The following CHST11 variants were observed in gnomAD, a reference collection of about 807,000 sequenced individuals.
CHST11 encodes the protein C4S-1.
Under a neutral mutation model 30.4 loss-of-function variants are expected in CHST11, and 9 were observed. That is an observed-to-expected ratio of 0.30 (90% confidence interval 0.18 to 0.52). CHST11 has a LOEUF of 0.52. Among genes scored for constraint, CHST11 ranks in the 20% least tolerant of loss-of-function variants. The pLI, the probability that CHST11 is intolerant of heterozygous loss-of-function variation, is 0.97. For missense variants in CHST11, 348 were observed against 460.6 expected (o/e 0.76, Z 2.24); for synonymous variants, 152 against 187.8 (o/e 0.81, Z 1.56).
chr12:104,510,352 TG>T (rs2037951946), intron 1 of CHST11, among the ~76,000 whole-genome samples: 1 of 151,978 alleles, frequency 6.6e-6, no homozygotes. Flanking sequence ...GAACCAGAAA[TG>T]GGGGAAGGGT....
intron 2 of CHST11, among the ~76,000 whole-genome samples, chr12:104,694,594 G>C (rs1008224800): frequency 3.3e-5 from 5 of 152,176 alleles, no homozygotes; most frequent in Non-Finnish European, 5.9e-5. Flanking sequence ...GTTTAACGAA[G>C]CGGGTGACTT....
At chr12:104,557,447 T>G (rs1312184183) in intron 1 of CHST11, among the ~76,000 whole-genome samples, 2 of 150,810 alleles carry the variant, frequency 1.3e-5, no homozygotes, top group Admixed American at 6.6e-5. Flanking sequence ...ATGGTCAGAG[T>G]GCATGGTGAG....
intron 1 of CHST11, among the ~76,000 whole-genome samples, chr12:104,538,380 C>A (rs1423473497): frequency 6.6e-6 from 1 of 152,186 alleles, no homozygotes; most frequent in Non-Finnish European, 1.5e-5. Flanking sequence ...GGTGCATCAC[C>A]CTCTCAACAT....
chr12:104,680,651 ATGCTGTGCACTC>A (rs1279326196), intron 2 of CHST11, among the ~76,000 whole-genome samples: 2 of 152,194 alleles, frequency 1.3e-5, no homozygotes, highest in Non-Finnish European at 2.9e-5. Context: ...TGGGAAGGAA[ATGCTGTGCACTC>A]AGTAAAGTCA....
intron 2 of CHST11, among the ~76,000 whole-genome samples, chr12:104,659,781 C>T (rs1394736063): frequency 1.4e-5 from 2 of 144,914 alleles, no homozygotes; most frequent in East Asian, 2.0e-4. Context: ...GCCTGGGCAA[C>T]ATAGTGAGAC....
chr12:104,750,910 G>C (rs906898464), intron 2 of CHST11, among the ~76,000 whole-genome samples: 1 of 151,980 alleles, frequency 6.6e-6, no homozygotes, highest in Non-Finnish European at 1.5e-5. Context: ...AATAGTAGAG[G>C]CCCAGGTGAA....
At chr12:104,503,488 T>C (rs1054756894) in intron 1 of CHST11, among the ~76,000 whole-genome samples, 25 of 152,242 alleles carry the variant, frequency 1.6e-4, no homozygotes, top group Non-Finnish European at 3.5e-4. Flanking sequence ...CTAAAGTGTG[T>C]GCATGTTTAG....
In CHST11 at chr12:104,757,089, C is replaced by A; in HGVS notation, c.345C>A (p.Asp115Glu). ...TGAAGCACTTGGTGGTGGATGAGGA[C>A]CACGAGCTCATCTACTGCTACGTGC... ...NDLKHLVVDE[D>E]HELIYCYVPK... Residue 115 changes from aspartate to glutamate, a missense_variant, in exon 3 of 3, where the codon GAC (aspartate) becomes GAA (glutamate). This residue lies in a region of CHST11 where 135 missense variants were observed against 155.8 expected (regional missense o/e 0.87). Transcript: ENST00000303694. This position sits in a 1 kb window ranked among gnomAD's most constrained non-coding sequence, Gnocchi z 6.5. 1 of 1,614,114 alleles carries A rather than the reference C, an allele frequency of 6.2e-7. No homozygotes were observed. Among genetic ancestry groups the A allele is most frequent in the Non-Finnish European group, 8.5e-7 (1 of 1,180,028 alleles).
intron 1 of CHST11, among the ~76,000 whole-genome samples, chr12:104,523,946 C>T (rs981742065): frequency 1.3e-5 from 2 of 152,154 alleles, no homozygotes; most frequent in African/African-American, 2.4e-5. Context: ...TCCCTATCTC[C>T]CTGTGTTTTC....
At chr12:104,538,858 A>G (rs531275333) in intron 1 of CHST11, among the ~76,000 whole-genome samples, 1 of 152,348 alleles carries the variant, frequency 6.6e-6, no homozygotes, top group African/African-American at 2.4e-5. Flanking sequence ...AGTTCCAAGC[A>G]GTAATAACAA....
intron 2 of CHST11, among the ~76,000 whole-genome samples, chr12:104,613,969 G>T (rs2039084575): frequency 6.6e-6 from 1 of 152,204 alleles, no homozygotes; most frequent in African/African-American, 2.4e-5. Context: ...GAGATCTAAT[G>T]CACAGCTTGA....
intron 1 of CHST11, among the ~76,000 whole-genome samples, chr12:104,473,899 TA>T (rs2037533555): frequency 6.6e-6 from 1 of 151,950 alleles, no homozygotes. Flanking sequence ...TATTTTCCGT[TA>T]AAACATCACC....
intron 2 of CHST11, among the ~76,000 whole-genome samples, chr12:104,691,009 G>A (rs1229765532): frequency 6.6e-6 from 1 of 152,094 alleles, no homozygotes; most frequent in South Asian, 2.1e-4. Context: ...ATCCATTATT[G>A]GCTATGTTGA....
At chr12:104,563,382 A>C (rs550748752) in intron 1 of CHST11, among the ~76,000 whole-genome samples, 1 of 152,182 alleles carries the variant, frequency 6.6e-6, no homozygotes, top group African/African-American at 2.4e-5. Context: ...CGTGTCCAGC[A>C]TGAGGGAAAC....
At chr12:104,529,462 A>C (rs1413047435) in intron 1 of CHST11, among the ~76,000 whole-genome samples, 1 of 152,184 alleles carries the variant, frequency 6.6e-6, no homozygotes, top group African/African-American at 2.4e-5. Flanking sequence ...TGTTTTATCA[A>C]TTCAGCTGCT....
intron 2 of CHST11, among the ~76,000 whole-genome samples, chr12:104,619,958 A>G (rs529221712): frequency 6.6e-6 from 1 of 152,334 alleles, no homozygotes; most frequent in African/African-American, 2.4e-5. Context: ...CTTAGCCAAT[A>G]GGTGAGCCCA....
chr12:104,532,092 C>A (rs1176988248), intron 1 of CHST11, among the ~76,000 whole-genome samples: 3 of 152,172 alleles, frequency 2.0e-5, no homozygotes, highest in African/African-American at 4.8e-5. Flanking sequence ...CTCTGTCTAT[C>A]CTCTTCTCCC....
intron 2 of CHST11, among the ~76,000 whole-genome samples, chr12:104,663,879 C>G (rs2039619388): frequency 6.6e-6 from 1 of 152,140 alleles, no homozygotes; most frequent in Non-Finnish European, 1.5e-5. Context: ...GTTCATCCAT[C>G]CATCCATCCA....
At chr12:104,568,662 AT>A (rs957378773) in intron 1 of CHST11, among the ~76,000 whole-genome samples, 1 of 152,140 alleles carries the variant, frequency 6.6e-6, no homozygotes, top group African/African-American at 2.4e-5. Context: ...TGTGGCTTGT[AT>A]TTATCAACTC....
Sources: gnomAD v4.1 joint callset for allele counts (sites outside exome capture counted in the v4.1 genomes callset) on GRCh38, gnomAD v4.1.1 for gene constraint, gnomAD v4.1.1 regional missense constraint, Gnocchi (gnomAD v3.1) non-coding constraint, MANE v1.5 for transcripts, NCBI Gene and HGNC (gene_info 2026-07-23, HGNC 2026-07-21) for gene names.